The following HDAC4 variants were observed in gnomAD, a reference collection of about 807,000 sequenced individuals.
HDAC4 encodes the protein histone deacetylase 4.
HDAC4 carries 16 observed loss-of-function variants against 135.1 expected under a neutral mutation model. The observed-to-expected ratio is 0.12, with a 90% CI of 0.08 to 0.18. The LOEUF is 0.18. HDAC4 is among the 10% of genes least tolerant of loss of function. The pLI, the probability that HDAC4 is intolerant of heterozygous loss-of-function variation, is 1.00. For synonymous variants in HDAC4, 685 were observed against 653.4 expected, an observed-to-expected ratio of 1.05 and a Z score of -0.74; for missense variants, 1,143 against 1,511.8, an observed-to-expected ratio of 0.76 and a Z score of 4.05.
rs140202436 is a variant in HDAC4, at chr2:239,066,987, C to T, written c.2870-132G>A. 5.5e-4 allele frequency: 617 copies of T among 1,118,016 alleles called. 5 individuals are homozygous for T. The East Asian group carries it at 0.014, about 26-fold the overall frequency. 69.3% of individuals were successfully genotyped at this position (1,118,016 alleles called of 1,614,324 possible). A position where few individuals can be genotyped will look rare whatever the true frequency, so the allele number is the denominator to read the frequency against. ...CGAGACACATGGCCAGGCCGGGTTT[C>T]GTTTAATAAATTCGCTGAAGAGTTT... On this transcript the variant is annotated intron_variant, in intron 23 of 26. Transcript: ENST00000543185.
intron 4 of HDAC4, among the ~76,000 whole-genome samples, chr2:239,177,289 C>A (rs1248909290): frequency 6.6e-6 from 1 of 152,240 alleles, no homozygotes. Context: ...CAGATCCGCA[C>A]ATTCCACCAC....
intron 22 of HDAC4, among the ~76,000 whole-genome samples, chr2:239,076,946 C>T (rs1280115304): frequency 2.0e-5 from 3 of 152,184 alleles, no homozygotes; most frequent in Non-Finnish European, 4.4e-5. Flanking sequence ...CCCTCTCCCC[C>T]AAAATCAGCC....
intron 7 of HDAC4, among the ~76,000 whole-genome samples, chr2:239,149,534 G>A (rs1288944479): frequency 6.6e-6 from 1 of 152,086 alleles, no homozygotes; most frequent in Non-Finnish European, 1.5e-5. Flanking sequence ...AAGAACAGGT[G>A]AACGCACTGC....
chr2:239,310,428 G>A (rs1250022719), intron 2 of HDAC4, among the ~76,000 whole-genome samples: 1 of 152,214 alleles, frequency 6.6e-6, no homozygotes, highest in Non-Finnish European at 1.5e-5. Flanking sequence ...GTTTCACAGA[G>A]TAGCTTCAAC....
chr2:239,257,549 G>C (rs1468395942), intron 2 of HDAC4, among the ~76,000 whole-genome samples: 1 of 152,142 alleles, frequency 6.6e-6, no homozygotes, highest in East Asian at 1.9e-4. Flanking sequence ...GAGAGAAGGA[G>C]GGAAATGTGG....
At chr2:239,075,975 CT>C (rs1210103389) in intron 22 of HDAC4, among the ~76,000 whole-genome samples, 2 of 151,046 alleles carry the variant, frequency 1.3e-5, no homozygotes, top group African/African-American at 4.9e-5. Flanking sequence ...CCTCAGCTTC[CT>C]GGGAAACAGA....
In HDAC4 at chr2:239,396,691, G is replaced by A. The variant is rs149303812; in HGVS notation, c.-220+4287C>T. 9.9e-3 allele frequency among the ~76,000 whole-genome samples: 1,508 copies of A among 152,298 alleles called. 22 individuals carry two copies. Among genetic ancestry groups the A allele is most frequent in the Middle Eastern group, 0.068 (20 of 294 alleles). On this transcript the variant is annotated intron_variant, in intron 1 of 26. Coordinates refer to ENST00000543185, the MANE Select transcript of HDAC4 (RefSeq NM_001378414.1). The stretch of plus-strand genomic sequence containing the variant: ...TATTTTCTCTCTCGTCTCTTAGCCC[G>A]GCTGACGGAGTCTTTTGCCAAAGAG...
intron 1 of HDAC4, among the ~76,000 whole-genome samples, chr2:239,387,107 G>T (rs1017541870): frequency 4.6e-5 from 7 of 152,252 alleles, no homozygotes; most frequent in Non-Finnish European, 1.0e-4. Context: ...TGCTTGCTGT[G>T]TGTGGCACGT....
At chr2:239,097,976 G>A (rs1393444780) in intron 16 of HDAC4, among the ~76,000 whole-genome samples, 4 of 152,194 alleles carry the variant, frequency 2.6e-5, no homozygotes, top group Admixed American at 6.5e-5. Flanking sequence ...TAATGCACGC[G>A]CTCAGCTATA....
intron 14 of HDAC4, among the ~76,000 whole-genome samples, chr2:239,109,855 G>A (rs1191767540): frequency 2.6e-5 from 4 of 152,192 alleles, no homozygotes; most frequent in Admixed American, 1.3e-4. Context: ...ATAAGGTCAC[G>A]TGCGCTAATA....
intron 3 of HDAC4, among the ~76,000 whole-genome samples, chr2:239,229,002 C>T (rs185975767): frequency 7.2e-5 from 11 of 151,966 alleles, no homozygotes; most frequent in Admixed American, 2.0e-4. Context: ...ACTAGCCGGG[C>T]GTGGTGGCGG....
In HDAC4 at chr2:239,303,115, C is replaced by T. The variant is rs1029133500; in HGVS notation, c.22+49563G>A. Reference sequence around the variant, plus strand: ...CCCAGCTCAGGGTTCAGGGTGGGCCCCTGGATTCAAAGTGGCAACAGAGCC... The same window carrying T: ...CCCAGCTCAGGGTTCAGGGTGGGCCTCTGGATTCAAAGTGGCAACAGAGCC... On this transcript the variant is annotated intron_variant, in intron 2 of 26. Transcript: ENST00000543185. The surrounding 1 kb of genome is among the most constrained non-coding windows in gnomAD (Gnocchi z 5.1). Among the ~76,000 whole-genome samples the T allele has an allele frequency of 6.6e-6, 1 of 152,176 alleles. No individual in the cohort carries two copies. Among genetic ancestry groups the T allele is most frequent in the South Asian group, 2.1e-4 (1 of 4,830 alleles).
Position 239,050,763 on chromosome 2 carries a change from G to C in HDAC4, c.*2334C>G, listed in dbSNP as rs572791088. 1 of 152,732 alleles carries C rather than the reference G, an allele frequency of 6.5e-6. No homozygotes were observed. The highest frequency in any genetic ancestry group is 2.1e-4 in the South Asian group (1 of 4,830). 9.5% of individuals were successfully genotyped at this position (152,732 alleles called of 1,614,324 possible). ...CTGAACCCAATATACACTTTGGAAT[G>C]AAACTGGTGGCTTCATGTGCTGGAA... On this transcript the variant is annotated 3_prime_UTR_variant, in exon 27 of 27. Coordinates refer to ENST00000543185, the MANE Select transcript of HDAC4 (RefSeq NM_001378414.1).
chr2:239,301,762 G>C (rs1185373189), intron 2 of HDAC4, among the ~76,000 whole-genome samples: 1 of 152,150 alleles, frequency 6.6e-6, no homozygotes, highest in African/African-American at 2.4e-5. Context: ...GGGATTACAA[G>C]TGAGAGCCAC....
intron 22 of HDAC4, 96 bp downstream of exon 22, chr2:239,080,999 G>C (rs1228212557): frequency 3.1e-6 from 3 of 954,124 alleles, no homozygotes; most frequent in Non-Finnish European, 4.9e-6. Context: ...CCACAGACCA[G>C]TTTCAGACAC....
chr2:239,175,358 C>A (rs949731294), intron 5 of HDAC4, among the ~76,000 whole-genome samples: 1 of 152,260 alleles, frequency 6.6e-6, no homozygotes, highest in Non-Finnish European at 1.5e-5. Flanking sequence ...AGGGCTCAGA[C>A]ACACTGGCGA....
At chr2:239,101,724 G>A (rs532111520) in intron 16 of HDAC4, among the ~76,000 whole-genome samples, 10 of 152,228 alleles carry the variant, frequency 6.6e-5, no homozygotes, top group African/African-American at 9.6e-5. Context: ...GGAGCCCTGG[G>A]ATCCCCCATC....
intron 5 of HDAC4, among the ~76,000 whole-genome samples, chr2:239,168,901 C>T (rs1198617432): frequency 2.0e-5 from 3 of 152,208 alleles, no homozygotes; most frequent in Admixed American, 6.5e-5. Context: ...ACCACCGGGA[C>T]GGCCGCCTGT....
At chr2:239,351,997 C>T (rs1451387289) in intron 2 of HDAC4, among the ~76,000 whole-genome samples, 2 of 152,134 alleles carry the variant, frequency 1.3e-5, no homozygotes, top group Non-Finnish European at 2.9e-5. Context: ...TGCACGCTCT[C>T]GGTGACTTTC....
Sources: gnomAD v4.1 joint callset for allele counts (sites outside exome capture counted in the v4.1 genomes callset) on GRCh38, gnomAD v4.1.1 for gene constraint, Gnocchi (gnomAD v3.1) non-coding constraint, MANE v1.5 for transcripts, NCBI Gene and HGNC (gene_info 2026-07-23, HGNC 2026-07-21) for gene names.